The following CENPK variants were observed in gnomAD, a reference collection of about 807,000 sequenced individuals.
CENPK encodes the protein centromere protein K, also known as SoxLZ/Sox6-binding protein Solt.
In CENPK, 46 loss-of-function variants were observed where a neutral mutation model predicts 40.9. The observed-to-expected ratio is 1.13, with a 90% CI of 0.89 to 1.44. The LOEUF (loss-of-function observed/expected upper bound fraction) is 1.44, where lower values mean the gene tolerates loss of function less well. Ranked by LOEUF, CENPK falls within the 40% of genes most tolerant of loss-of-function variation. The probability of loss-of-function intolerance (pLI) is 0.00; values close to 1 mark genes in which losing one functional copy is unlikely to be tolerated. For missense variants in CENPK, 288 were observed against 303.5 expected (o/e 0.95, Z 0.38); for synonymous variants, 107 against 104.4 (o/e 1.02, Z -0.15).
intron 5 of CENPK, among the ~76,000 whole-genome samples, chr5:65,547,561 A>G: frequency 6.6e-6 from 1 of 152,232 alleles, no homozygotes; most frequent in East Asian, 1.9e-4. Flanking sequence ...AACGATGTGG[A>G]AAAATGGCTG....
chr5:65,544,543 G>C (rs1748551100), intron 5 of CENPK, among the ~76,000 whole-genome samples: 1 of 152,142 alleles, frequency 6.6e-6, no homozygotes, highest in Non-Finnish European at 1.5e-5. Flanking sequence ...ACATCCAAAA[G>C]AATTGAACGC....
intron 4 of CENPK, among the ~76,000 whole-genome samples, chr5:65,552,236 G>A (rs1278056432): frequency 1.3e-5 from 2 of 152,102 alleles, no homozygotes; most frequent in African/African-American, 4.8e-5. Flanking sequence ...TTACTCAGTT[G>A]TTAAATATAT....
rs140510962 is a variant in CENPK, at chr5:65,541,098, C to G, written c.288+1704G>C. ...TCAGATTCCCAAAGTGCTGGGATTA[C>G]AGGTGTGAGCCACCATGCCCAGCCA... On this transcript the variant is annotated intron_variant, in intron 6 of 10. Coordinates refer to ENST00000396679, the MANE Select transcript of CENPK (RefSeq NM_022145.5). Among the ~76,000 whole-genome samples, 543 of 152,288 alleles carry G rather than the reference C, an allele frequency of 3.6e-3. 4 individuals are homozygous for G. The highest frequency in any genetic ancestry group is 4.9e-3 in the Non-Finnish European group (331 of 68,016).
chr5:65,535,482 TA>T (rs890048550), intron 6 of CENPK, among the ~76,000 whole-genome samples: 1 of 152,162 alleles, frequency 6.6e-6, no homozygotes, highest in Non-Finnish European at 1.5e-5. Flanking sequence ...TGATTTGTGT[TA>T]AATGCATTTT....
At chr5:65,496,548 C>T in the CENPK span, among the ~76,000 whole-genome samples, 4,561 of 152,082 alleles carry the variant, frequency 0.03, 228 homozygotes, top group African/African-American at 0.11. Flanking sequence ...ACATTATAAG[C>T]ATATACATAA....
the CENPK span, among the ~76,000 whole-genome samples, chr5:65,499,667 A>ATTTTTTTTTTTT: frequency 2.7e-5 from 3 of 109,668 alleles, no homozygotes; most frequent in Non-Finnish European, 1.8e-5. Context: ...TTTTTTTTTA[A>ATTTTTTTTTTTT]TTTTTTTTTT....
downstream of CENPK, among the ~76,000 whole-genome samples, chr5:65,517,197 C>A (rs942272513): frequency 2.8e-4 from 43 of 152,306 alleles, no homozygotes; most frequent in South Asian, 4.1e-4. Context: ...CCCACCTCGG[C>A]CTCCCAAAGT....
intron 3 of CENPK, among the ~76,000 whole-genome samples, chr5:65,553,476 C>A (rs1750476024): frequency 6.6e-6 from 1 of 152,176 alleles, no homozygotes; most frequent in Non-Finnish European, 1.5e-5. Context: ...AAATTTTCAC[C>A]AACATACTCT....
intron 6 of CENPK, among the ~76,000 whole-genome samples, chr5:65,540,801 C>G (rs777742036): frequency 7.3e-6 from 1 of 137,740 alleles, no homozygotes; most frequent in Non-Finnish European, 1.5e-5. Flanking sequence ...GGCTGTTCAA[C>G]TGTATCCTTT....
In CENPK at chr5:65,542,839, A is replaced by C. The variant is rs763064949; in HGVS notation, c.251T>G (p.Leu84Trp). The C allele has an allele frequency of 1.2e-6, 2 of 1,610,488 alleles. No homozygotes were observed. Among genetic ancestry groups the C allele is most frequent in the East Asian group, 4.5e-5 (2 of 44,780 alleles). The change falls in exon 6 of 11, where the codon TTG (leucine) becomes TGG (tryptophan). Residue 84 changes from leucine to tryptophan, a missense_variant. By Grantham distance (61) the Leu-to-Trp change is moderately conservative. Transcript: ENST00000396679. Reference protein sequence around the residue: ...WQKKTPETIPLTEDVLITLGK... With the variant: ...WQKKTPETIPWTEDVLITLGK... ...TAATGTTATGAGAACGTCTTCAGTC[A>C]AGGGAATTGCTACAAAAACAAAACA...
At chr5:65,512,222 C>G in the CENPK span, among the ~76,000 whole-genome samples, 3 of 152,290 alleles carry the variant, frequency 2.0e-5, no homozygotes, top group Admixed American at 6.5e-5. Flanking sequence ...AGTGAAGATA[C>G]AGTGAACATG....
At chr5:65,508,505 C>A in the CENPK span, among the ~76,000 whole-genome samples, 1 of 152,226 alleles carries the variant, frequency 6.6e-6, no homozygotes, top group East Asian at 1.9e-4. Flanking sequence ...AAACTATGGG[C>A]CAGATGCAGT....
chr5:65,551,511 A>T, intron 5 of CENPK, 53 bp downstream of exon 5: 5 of 956,098 alleles, frequency 5.2e-6, no homozygotes, highest in Non-Finnish European at 1.5e-6. Flanking sequence ...TTATTAAATT[A>T]ATTTGCTATT....
chr5:65,519,126 T>A (rs937369629), intron 10 of CENPK, among the ~76,000 whole-genome samples: 27 of 152,148 alleles, frequency 1.8e-4, no homozygotes, highest in African/African-American at 1.7e-4. Flanking sequence ...CTGATCTTCG[T>A]TAAGGATATT....
chr5:65,555,873 T>C (rs1265224518), intron 2 of CENPK, among the ~76,000 whole-genome samples: 1 of 152,190 alleles, frequency 6.6e-6, no homozygotes, highest in Non-Finnish European at 1.5e-5. Flanking sequence ...TGTCAATTAT[T>C]GGAGCTGCTG....
the CENPK span, among the ~76,000 whole-genome samples, chr5:65,508,487 A>G: frequency 6.6e-6 from 1 of 152,224 alleles, no homozygotes. Flanking sequence ...ACACGAACAT[A>G]AAAGTTAAAA....
chr5:65,521,325 C>T (rs1743699322), intron 10 of CENPK, 150 bp downstream of exon 10: 2 of 616,496 alleles, frequency 3.2e-6, no homozygotes, highest in African/African-American at 1.9e-5. Context: ...TAATTTTATA[C>T]CAAAGATATA....
the CENPK span, among the ~76,000 whole-genome samples, chr5:65,503,623 T>C: frequency 1.6e-4 from 25 of 152,072 alleles, no homozygotes; most frequent in African/African-American, 6.0e-4. Context: ...TAGAACTTTT[T>C]CTATTATCTT....
Position 65,543,273 on chromosome 5 carries a change from T to C in CENPK, c.242-425A>G, listed in dbSNP as rs150673982. Among the ~76,000 whole-genome samples the C allele has an allele frequency of 1.5e-4, 23 of 152,322 alleles. 1 individual carries two copies. The East Asian group carries it at 4.4e-3, about 29-fold the overall frequency. On this transcript the variant is annotated intron_variant, in intron 5 of 10. Coordinates refer to ENST00000396679, the MANE Select transcript of CENPK (RefSeq NM_022145.5). ...GTTTTCATTTTATTTATTTTTAACA[T>C]CTTTGCACATATAGCCAACTATATA...
Sources: gnomAD v4.1 joint callset for allele counts (sites outside exome capture counted in the v4.1 genomes callset) on GRCh38, gnomAD v4.1.1 for gene constraint, MANE v1.5 for transcripts, NCBI Gene and HGNC (gene_info 2026-07-23, HGNC 2026-07-21) for gene names.